The following C11orf52 variants were observed in gnomAD, a reference collection of about 807,000 sequenced individuals.
The protein encoded by C11orf52 is uncharacterized protein C11orf52.
A neutral mutation model predicts 11.7 loss-of-function variants in C11orf52; 9 were observed. That is an observed-to-expected ratio of 0.77 (90% confidence interval 0.46 to 1.34). The LOEUF is 1.34. Among genes scored for constraint, C11orf52 ranks in the 40% most tolerant of loss-of-function variants. The pLI is 0.00. For missense variants in C11orf52, 139 were observed against 154.8 expected, an observed-to-expected ratio of 0.90 and a Z score of 0.54; for synonymous variants, 49 against 57.4, an observed-to-expected ratio of 0.85 and a Z score of 0.66.
chr11:111,919,643 G>C (rs1965656808), intron 1 of C11orf52, among the ~76,000 whole-genome samples: 1 of 152,112 alleles, frequency 6.6e-6, no homozygotes, highest in Non-Finnish European at 1.5e-5. Flanking sequence ...AGCTTTCTAT[G>C]TGCCAGACAT....
chr11:111,925,506 G>C lies in C11orf52; in HGVS notation c.71-147G>C. 3.9e-6 allele frequency: 3 copies of C among 773,888 alleles called. No individual in the cohort carries two copies. In the Admixed American group the frequency reaches 7.1e-5, roughly 18 times the overall value. 47.9% of individuals were successfully genotyped at this position (773,888 alleles called of 1,614,324 possible). A position where few individuals can be genotyped will look rare whatever the true frequency, so the allele number is the denominator to read the frequency against. ...AACCCTGCTAAGGAGTTTGGATTTA[G>C]CACTAGTAGACATGAAAGAAGTGAG... is the stretch of plus-strand genomic sequence containing the variant. On this transcript the variant is annotated intron_variant, in intron 2 of 3. Coordinates refer to ENST00000278601, the MANE Select transcript of C11orf52 (RefSeq NM_080659.3).
At chr11:111,925,589 A>C (rs999861167) in intron 2 of C11orf52, 64 bp from the exon 3 acceptor site, 48 of 1,513,780 alleles carry the variant, frequency 3.2e-5, no homozygotes, top group Non-Finnish European at 3.7e-5. Flanking sequence ...AGTGATTTGA[A>C]GAAGGCAATC....
intron 1 of C11orf52, among the ~76,000 whole-genome samples, chr11:111,920,558 G>A (rs950533360): frequency 6.6e-5 from 10 of 151,738 alleles, no homozygotes; most frequent in African/African-American, 2.2e-4. Flanking sequence ...AAGAAAAGGA[G>A]TTTGAGACCA....
At chr11:111,919,806 A>C (rs1300937037) in intron 1 of C11orf52, among the ~76,000 whole-genome samples, 3 of 152,182 alleles carry the variant, frequency 2.0e-5, no homozygotes, top group Non-Finnish European at 4.4e-5. Flanking sequence ...CAAGATTCCA[A>C]CTGAGGCCCA....
chr11:111,926,171 A>G lies in C11orf52; in HGVS notation c.344A>G (p.Tyr115Cys). 1.2e-6 allele frequency: 2 copies of G among 1,614,232 alleles called. No homozygotes were observed. The highest frequency in any genetic ancestry group is 1.7e-6 in the Non-Finnish European group (2 of 1,180,046). Residue 115 changes from tyrosine to cysteine, a missense_variant, in exon 4 of 4, where the codon TAT (tyrosine) becomes TGT (cysteine). Tyr to Cys is a radical substitution (Grantham distance 194). Transcript: ENST00000278601. ...TLRFPQATPR[Y>C]DSKNGTLV ...CGCTTCCCCCAGGCCACACCTCGCT[A>G]TGACAGCAAGAACGGGACCCTGGTG...
chr11:111,922,134 T>C (rs1481767859), intron 1 of C11orf52, among the ~76,000 whole-genome samples: 1 of 152,334 alleles, frequency 6.6e-6, no homozygotes, highest in East Asian at 1.9e-4. Flanking sequence ...ACCTGGCCTA[T>C]CATACCTCAT....
At chr11:111,923,061 ATG>A (rs1965725911) in intron 1 of C11orf52, among the ~76,000 whole-genome samples, 1 of 152,212 alleles carries the variant, frequency 6.6e-6, no homozygotes, top group South Asian at 2.1e-4. Context: ...GCCCTAGTCT[ATG>A]TATTTTAGGA....
intron 1 of C11orf52, among the ~76,000 whole-genome samples, chr11:111,919,474 A>G (rs1394369631): frequency 6.7e-6 from 1 of 149,748 alleles, no homozygotes; most frequent in Non-Finnish European, 1.5e-5. Context: ...TGTCTCAACA[A>G]CAACAACAAC....
chr11:111,924,934 G>A (rs968016091), intron 2 of C11orf52, among the ~76,000 whole-genome samples: 2 of 152,164 alleles, frequency 1.3e-5, no homozygotes, highest in African/African-American at 4.8e-5. Context: ...GACCAGCCTG[G>A]TCAACATGGT....
In C11orf52 at chr11:111,919,487, A is replaced by C. The variant is rs184031269; in HGVS notation, c.32+483A>C. ...ACTGTCTCAACAACAACAACAACAA[A>C]AAAAAACAGAGCCAAGCTAGCTGTC... is the stretch of plus-strand genomic sequence containing the variant. On this transcript the variant is annotated intron_variant, in intron 1 of 3. Transcript: ENST00000278601. Among the ~76,000 whole-genome samples, 859 of 151,918 alleles carry C rather than the reference A, an allele frequency of 5.7e-3. 3 individuals are homozygous for C. The highest frequency in any genetic ancestry group is 0.019 in the African/African-American group (781 of 41,464).
chr11:111,921,164 T>A (rs1284818468), intron 1 of C11orf52, among the ~76,000 whole-genome samples: 3 of 152,232 alleles, frequency 2.0e-5, no homozygotes, highest in African/African-American at 7.2e-5. Flanking sequence ...GTGAAGTGCA[T>A]TGGAAAACAC....
At chr11:111,923,117 G>A (rs1965726569) in intron 1 of C11orf52, among the ~76,000 whole-genome samples, 3 of 152,196 alleles carry the variant, frequency 2.0e-5, no homozygotes, top group African/African-American at 7.2e-5. Flanking sequence ...AGTAGGTAAA[G>A]AGTAGTAACA....
chr11:111,919,109 G>A (rs1965645380), intron 1 of C11orf52, 105 bp downstream of exon 1: 3 of 1,265,650 alleles, frequency 2.4e-6, no homozygotes, highest in African/African-American at 1.5e-5. Context: ...GCCTCCCACT[G>A]CCACCTTCCT....
chr11:111,922,870 A>G (rs782372529), intron 1 of C11orf52, among the ~76,000 whole-genome samples: 12 of 152,224 alleles, frequency 7.9e-5, no homozygotes, highest in Non-Finnish European at 1.8e-4. Context: ...GCATTCTAGG[A>G]GGATTGCACA....
chr11:111,920,546 A>G (rs1965676785), intron 1 of C11orf52, among the ~76,000 whole-genome samples: 1 of 151,924 alleles, frequency 6.6e-6, no homozygotes, highest in African/African-American at 2.4e-5. Context: ...TTGAAAAAAA[A>G]AAAGAAAAGG....
chr11:111,919,547 C>T (rs1241317288), intron 1 of C11orf52, among the ~76,000 whole-genome samples: 1 of 152,154 alleles, frequency 6.6e-6, no homozygotes, highest in Non-Finnish European at 1.5e-5. Flanking sequence ...GAATATTGAA[C>T]CGGCATTGTT....
chr11:111,924,134 A>G, intron 1 of C11orf52, 192 bp from the exon 2 acceptor site: 1 of 583,640 alleles, frequency 1.7e-6, no homozygotes, highest in Non-Finnish European at 3.1e-6. Context: ...ACCTTCCAGA[A>G]CCATCCATGT....
At chr11:111,920,217 G>T (rs376472508) in intron 1 of C11orf52, among the ~76,000 whole-genome samples, 2 of 151,454 alleles carry the variant, frequency 1.3e-5, no homozygotes, top group African/African-American at 4.9e-5. Flanking sequence ...AAATAAAATA[G>T]AATAAAATAA....
rs782342862 is a variant in C11orf52, at chr11:111,924,315, T to A, written c.33-11T>A. 1 of 1,613,028 alleles carries A rather than the reference T, an allele frequency of 6.2e-7. No homozygotes were observed. The highest frequency in any genetic ancestry group is 8.5e-7 in the Non-Finnish European group (1 of 1,179,560). The stretch of plus-strand genomic sequence containing the variant: ...CTCTTGCACATGGGTGATCTGTTTT[T>A]CCTATTACAGGAGCTGCCCATCAAC... On this transcript the variant is annotated splice_polypyrimidine_tract_variant and intron_variant, in intron 1 of 3. Coordinates refer to ENST00000278601, the MANE Select transcript of C11orf52 (RefSeq NM_080659.3).
Sources: allele counts gnomAD v4.1 joint callset (sites outside exome capture counted in the v4.1 genomes callset), GRCh38; gene constraint gnomAD v4.1.1; transcripts MANE v1.5; gene names NCBI Gene and HGNC (gene_info 2026-07-23, HGNC 2026-07-21).